ASCC3: variants seen among roughly 807,000 people sequenced by gnomAD.
ASCC3 encodes the protein activating signal cointegrator 1 complex subunit 3, also known as ASC-1 complex subunit P200.
A neutral mutation model predicts 256.3 loss-of-function variants in ASCC3; 158 were observed. That is an observed-to-expected ratio of 0.62 (90% CI 0.54 to 0.70). ASCC3 has a LOEUF of 0.70. ASCC3 is among the 30% of genes least tolerant of loss of function. The pLI, the probability that ASCC3 is intolerant of heterozygous loss-of-function variation, is 0.00. For synonymous variants in ASCC3, 948 were observed against 883.4 expected, an observed-to-expected ratio of 1.07 and a Z score of -1.30; for missense variants, 2,259 against 2,626.0, an observed-to-expected ratio of 0.86 and a Z score of 3.05.
chr6:100,849,820 G>T (rs997786869), intron 3 of ASCC3, among the ~76,000 whole-genome samples: 5 of 151,842 alleles, frequency 3.3e-5, no homozygotes, highest in Non-Finnish European at 5.9e-5. Flanking sequence ...TAAAAAACAT[G>T]ACTCTGCAGT....
intron 5 of ASCC3, among the ~76,000 whole-genome samples, chr6:100,804,573 A>G (rs974515860): frequency 8.5e-5 from 13 of 152,114 alleles, no homozygotes; most frequent in African/African-American, 2.9e-4. Context: ...CAAGCAAAAA[A>G]CAAATAACCA....
At chr6:100,628,877 A>G in intron 27 of ASCC3, 138 bp downstream of exon 27, 1 of 805,036 alleles carries the variant, frequency 1.2e-6, no homozygotes, top group Non-Finnish European at 1.9e-6. Context: ...TAATAATTCC[A>G]CATTATATAC....
At chr6:100,517,792 T>C (rs1470184412) in intron 38 of ASCC3, among the ~76,000 whole-genome samples, 199 bp downstream of exon 38, 1 of 152,152 alleles carries the variant, frequency 6.6e-6, no homozygotes, top group Non-Finnish European at 1.5e-5. Flanking sequence ...GTTTAAACTG[T>C]AGTTCAGCTT....
intron 8 of ASCC3, among the ~76,000 whole-genome samples, chr6:100,780,466 A>G (rs1782388991): frequency 6.6e-6 from 1 of 152,154 alleles, no homozygotes; most frequent in African/African-American, 2.4e-5. Context: ...ATTGCCAGGT[A>G]CAGTGACTCA....
chr6:100,600,557 T>G (rs1431486874), intron 34 of ASCC3, among the ~76,000 whole-genome samples: 2 of 152,092 alleles, frequency 1.3e-5, no homozygotes, highest in Admixed American at 1.3e-4. Flanking sequence ...ATTCTCAAAC[T>G]CCTATCTAAG....
intron 36 of ASCC3, among the ~76,000 whole-genome samples, chr6:100,583,272 T>C (rs750769795): frequency 6.6e-6 from 1 of 152,182 alleles, no homozygotes; most frequent in Non-Finnish European, 1.5e-5. Context: ...AATCCTGTTA[T>C]TGCTCTATTC....
chr6:100,532,686 T>C (rs1308853272), intron 37 of ASCC3, among the ~76,000 whole-genome samples: 3 of 151,870 alleles, frequency 2.0e-5, no homozygotes, highest in African/African-American at 7.2e-5. Flanking sequence ...TATGCAAATA[T>C]GGAAATTATT....
intron 10 of ASCC3, among the ~76,000 whole-genome samples, chr6:100,764,201 A>AC (rs1307834197): frequency 1.3e-5 from 2 of 152,222 alleles, no homozygotes; most frequent in Non-Finnish European, 2.9e-5. Context: ...TTTTAACACT[A>AC]CATCAGGTCC....
intron 4 of ASCC3, among the ~76,000 whole-genome samples, chr6:100,828,473 C>T (rs1771440331): frequency 6.6e-6 from 1 of 152,164 alleles, no homozygotes; most frequent in Non-Finnish European, 1.5e-5. Context: ...CTTGGTCTCA[C>T]TGACTTCGAG....
At chr6:100,682,489 G>A (rs1582688840) in intron 13 of ASCC3, among the ~76,000 whole-genome samples, 1 of 152,148 alleles carries the variant, frequency 6.6e-6, no homozygotes, top group East Asian at 1.9e-4. Context: ...AGATAAAATT[G>A]TACACATAAC....
intron 3 of ASCC3, chr6:100,856,540 C>CA: frequency 1.7e-6 from 1 of 594,728 alleles, no homozygotes; most frequent in Non-Finnish European, 2.1e-6. Context: ...AAAGAATTAT[C>CA]AAAAAACGAA....
chr6:100,823,750 C>A (rs1004912202), intron 4 of ASCC3, among the ~76,000 whole-genome samples: 2 of 152,128 alleles, frequency 1.3e-5, no homozygotes, highest in Non-Finnish European at 2.9e-5. Context: ...AGGGCATGCA[C>A]AAACTAAAAC....
intron 36 of ASCC3, among the ~76,000 whole-genome samples, chr6:100,582,683 T>C (rs1289345826): frequency 6.6e-6 from 1 of 151,618 alleles, no homozygotes. Flanking sequence ...AAGGGAATGC[T>C]TCCAGTTTTT....
At chr6:100,824,289 C>T (rs1771191100) in intron 4 of ASCC3, among the ~76,000 whole-genome samples, 1 of 152,108 alleles carries the variant, frequency 6.6e-6, no homozygotes, top group Admixed American at 6.5e-5. Context: ...GGCTTTAAAG[C>T]AAATAAAACT....
intron 36 of ASCC3, among the ~76,000 whole-genome samples, chr6:100,556,783 T>C (rs1240970747): frequency 6.6e-6 from 1 of 151,908 alleles, no homozygotes; most frequent in Non-Finnish European, 1.5e-5. Flanking sequence ...GTCAGCACAA[T>C]TGTTTAGGAA....
At chr6:100,800,181 A>G in intron 6 of ASCC3, 119 bp downstream of exon 6, 1 of 1,086,764 alleles carries the variant, frequency 9.2e-7, no homozygotes, top group Non-Finnish European at 1.4e-6. Flanking sequence ...ACTTCTATGA[A>G]GAAAACGTGA....
At chr6:100,664,222 T>C (rs1776363018) in intron 14 of ASCC3, among the ~76,000 whole-genome samples, 1 of 151,930 alleles carries the variant, frequency 6.6e-6, no homozygotes, top group African/African-American at 2.4e-5. Context: ...AGCTTCTTTT[T>C]GAACAGTTTT....
At chr6:100,682,223 T>TTC (rs1562222822) in intron 13 of ASCC3, among the ~76,000 whole-genome samples, 8 of 151,468 alleles carry the variant, frequency 5.3e-5, no homozygotes, top group African/African-American at 7.3e-5. Flanking sequence ...GTAATTTATT[T>TTC]ATTCATTCAT....
chr6:100,600,490 T>C (rs1772551028), intron 34 of ASCC3, among the ~76,000 whole-genome samples: 1 of 152,110 alleles, frequency 6.6e-6, no homozygotes, highest in Non-Finnish European at 1.5e-5. Context: ...TCAAATAATA[T>C]TTAGTACCTA....
Sources: gnomAD v4.1 joint callset for allele counts (sites outside exome capture counted in the v4.1 genomes callset) on GRCh38, gnomAD v4.1.1 for gene constraint, MANE v1.5 for transcripts, NCBI Gene and HGNC (gene_info 2026-07-23, HGNC 2026-07-21) for gene names.